The following PTPRQ variants were observed in gnomAD, a reference collection of about 807,000 sequenced individuals.
PTPRQ encodes protein tyrosine phosphatase receptor type Q, also known as phosphatidylinositol phosphatase PTPRQ.
In PTPRQ, 199 loss-of-function variants were observed where a neutral mutation model predicts 246.0. The ratio of observed to expected loss-of-function variants is 0.81; its 90% CI spans 0.72 to 0.91. The LOEUF (loss-of-function observed/expected upper bound fraction) is 0.91, where lower values mean the gene tolerates loss of function less well. Among genes scored for constraint, PTPRQ ranks in the 40% least tolerant of loss-of-function variants. The pLI, the probability that PTPRQ is intolerant of heterozygous loss-of-function variation, is 0.00. For synonymous variants in PTPRQ, 869 were observed against 853.2 expected (o/e 1.02, Z -0.32); for missense variants, 2,624 against 2,528.4 (o/e 1.04, Z -0.81).
rs1022157973 is a variant in PTPRQ, at chr12:80,539,638, G to T, written c.2986-138G>T. On this transcript the variant is annotated intron_variant, in intron 19 of 44. Transcript: ENST00000644991. ...CAGTTTAATTGTTGCAATAAAAAAT[G>T]TTCTATGTCGATTTTCCTAAAACAA... 8 of 658,702 alleles carry T rather than the reference G, an allele frequency of 1.2e-5. No homozygotes were observed. In the African/African-American group the frequency reaches 1.5e-4, roughly 13 times the overall value. The allele number at this position is 658,702 out of a possible 1,614,324, so 40.8% of individuals were successfully genotyped here.
At chr12:80,458,085 A>T (rs1893035042) in intron 4 of PTPRQ, among the ~76,000 whole-genome samples, 1 of 152,066 alleles carries the variant, frequency 6.6e-6, no homozygotes, top group Non-Finnish European at 1.5e-5. Context: ...GACTTTTGGA[A>T]ACACGGATTT....
chr12:80,492,212 G>T (rs1894472373), intron 9 of PTPRQ, among the ~76,000 whole-genome samples: 1 of 151,834 alleles, frequency 6.6e-6, no homozygotes, highest in African/African-American at 2.4e-5. Flanking sequence ...ATAAATTCCA[G>T]ACTTAACATC....
intron 23 of PTPRQ, among the ~76,000 whole-genome samples, chr12:80,543,953 A>G (rs1896229441): frequency 6.6e-6 from 1 of 152,006 alleles, no homozygotes; most frequent in African/African-American, 2.4e-5. Context: ...TCACTGGGAG[A>G]TAGATATCAA....
intron 35 of PTPRQ, among the ~76,000 whole-genome samples, chr12:80,637,222 T>C (rs961543358): frequency 6.6e-6 from 1 of 152,030 alleles, no homozygotes; most frequent in East Asian, 1.9e-4. Flanking sequence ...AGAATGACTG[T>C]CATGGCAGCT....
chr12:80,657,709 T>C (rs1900489168), intron 38 of PTPRQ, among the ~76,000 whole-genome samples: 1 of 151,774 alleles, frequency 6.6e-6, no homozygotes. Context: ...AAAAAACGAT[T>C]TGCAGAACAG....
At chr12:80,444,998 C>A in intron 2 of PTPRQ, 149 bp downstream of exon 2, 2 of 884,682 alleles carry the variant, frequency 2.3e-6, no homozygotes, top group Admixed American at 3.6e-5. Context: ...AAGTGATCTG[C>A]TTAGAACCTG....
chr12:80,493,665 C>T (rs1894522006), intron 10 of PTPRQ, among the ~76,000 whole-genome samples: 1 of 151,898 alleles, frequency 6.6e-6, no homozygotes, highest in Non-Finnish European at 1.5e-5. Context: ...GACCTTCTTC[C>T]TGGAGAAAGT....
chr12:80,514,844 G>C (rs1440215047), intron 17 of PTPRQ, among the ~76,000 whole-genome samples: 1 of 146,086 alleles, frequency 6.8e-6, no homozygotes, highest in African/African-American at 2.5e-5. Context: ...TTCAGATAAT[G>C]GATGACTCAG....
intron 17 of PTPRQ, among the ~76,000 whole-genome samples, chr12:80,513,584 G>A (rs180682231): frequency 2.0e-5 from 3 of 152,216 alleles, no homozygotes; most frequent in Admixed American, 2.0e-4. Flanking sequence ...AAACAGAAAT[G>A]CCTGTCCTCA....
At chr12:80,469,662 C>T (rs1339565011) in intron 7 of PTPRQ, among the ~76,000 whole-genome samples, 2 of 152,138 alleles carry the variant, frequency 1.3e-5, no homozygotes, top group African/African-American at 4.8e-5. Flanking sequence ...TCATGAGTAA[C>T]CTTTATCTTT....
At chr12:80,612,257 T>C (rs775408935) in intron 28 of PTPRQ, among the ~76,000 whole-genome samples, 4 of 150,308 alleles carry the variant, frequency 2.7e-5, no homozygotes, top group Non-Finnish European at 6.0e-5. Flanking sequence ...TAAGCTGTTA[T>C]TTATCTAAAA....
At chr12:80,637,653 G>A (rs1792086730) in intron 35 of PTPRQ, among the ~76,000 whole-genome samples, 3 of 152,182 alleles carry the variant, frequency 2.0e-5, no homozygotes, top group Non-Finnish European at 4.4e-5. Context: ...ACAGAGATCT[G>A]TGTCCAGCTT....
At chr12:80,447,714 A>T (rs894737276) in intron 3 of PTPRQ, among the ~76,000 whole-genome samples, 1 of 151,952 alleles carries the variant, frequency 6.6e-6, no homozygotes, top group African/African-American at 2.4e-5. Context: ...GGTTGTAGGT[A>T]TGTGACTTTA....
chr12:80,481,235 A>T (rs1432263337), intron 8 of PTPRQ, among the ~76,000 whole-genome samples: 1 of 152,226 alleles, frequency 6.6e-6, no homozygotes, highest in East Asian at 1.9e-4. Context: ...AAAATCAATA[A>T]ACATAATCCA....
chr12:80,461,440 A>T lies in PTPRQ; in HGVS notation c.910+538A>T, dbSNP rs537204411. 1.0e-3 allele frequency among the ~76,000 whole-genome samples: 152 copies of T among 152,258 alleles called. 4 individuals are homozygous for T. In the South Asian group the frequency reaches 0.017, roughly 17 times the overall value. Reference sequence around the variant, plus strand: ...GTGTTAAAATTAAATGAGAATAATTAGATATTATCATTACTACTGAATTTT... The same window carrying T: ...GTGTTAAAATTAAATGAGAATAATTTGATATTATCATTACTACTGAATTTT... On this transcript the variant is annotated intron_variant, in intron 6 of 44. Coordinates refer to ENST00000644991, the MANE Select transcript of PTPRQ (RefSeq NM_001145026.2).
chr12:80,500,045 A>G (rs1363716893), intron 14 of PTPRQ, among the ~76,000 whole-genome samples: 1 of 152,000 alleles, frequency 6.6e-6, no homozygotes, highest in Non-Finnish European at 1.5e-5. Flanking sequence ...TTAGATGTTG[A>G]CCAAAATTTT....
chr12:80,527,577 A>G (rs1458637136), intron 17 of PTPRQ, among the ~76,000 whole-genome samples: 1 of 152,184 alleles, frequency 6.6e-6, no homozygotes, highest in Non-Finnish European at 1.5e-5. Flanking sequence ...TTTACAAAAG[A>G]GAAAAACAAA....
chr12:80,602,394 G>C (rs1262757593), intron 26 of PTPRQ, among the ~76,000 whole-genome samples: 1 of 151,736 alleles, frequency 6.6e-6, no homozygotes, highest in Non-Finnish European at 1.5e-5. Context: ...CTCTTAGTCT[G>C]TTTTGTGTTG....
chr12:80,542,029 C>A lies in PTPRQ; in HGVS notation c.3446-60C>A, dbSNP rs1372568273. On this transcript the variant is annotated intron_variant, in intron 21 of 44. Transcript: ENST00000644991. ...AAATCAAATCCCATTATGATTGAAT[C>A]CTCTTTTTTTAATGCTGATTCACTT... 7.3e-6 allele frequency: 11 copies of A among 1,505,382 alleles called. No individual in the cohort carries two copies. In the South Asian group the frequency reaches 9.3e-5, roughly 13 times the overall value. 93.3% of individuals were successfully genotyped at this position (1,505,382 alleles called of 1,614,324 possible).
Sources: allele counts gnomAD v4.1 joint callset (sites outside exome capture counted in the v4.1 genomes callset), GRCh38; gene constraint gnomAD v4.1.1; transcripts MANE v1.5; gene names NCBI Gene and HGNC (gene_info 2026-07-23, HGNC 2026-07-21).